CPQ: variants seen among roughly 807,000 people sequenced by gnomAD.
CPQ encodes Ser-Met dipeptidase.
In CPQ, 37 loss-of-function variants were observed where a neutral mutation model predicts 45.7. That is an observed-to-expected ratio of 0.81 (90% CI 0.62 to 1.07). The LOEUF (loss-of-function observed/expected upper bound fraction) is 1.07. CPQ is among the 50% of genes least tolerant of loss of function. The probability of loss-of-function intolerance (pLI) is 0.00; values close to 1 mark genes in which losing one functional copy is unlikely to be tolerated. For synonymous variants in CPQ, 186 were observed against 205.8 expected, an observed-to-expected ratio of 0.90 and a Z score of 0.82; for missense variants, 537 against 572.9, an observed-to-expected ratio of 0.94 and a Z score of 0.64.
intron 2 of CPQ, among the ~76,000 whole-genome samples, chr8:96,793,859 G>A (rs1586403345): frequency 6.6e-6 from 1 of 152,308 alleles, no homozygotes; most frequent in East Asian, 1.9e-4. Flanking sequence ...CCAAAATCCA[G>A]CAGGGCAGCC....
chr8:97,038,879 C>T (rs111639945), intron 6 of CPQ, among the ~76,000 whole-genome samples: 62 of 148,628 alleles, frequency 4.2e-4, no homozygotes, highest in East Asian at 1.8e-3. Context: ...AGTTTACTGA[C>T]GCCTGTTCTA....
chr8:96,690,140 G>C (rs1809287710), intron 1 of CPQ, among the ~76,000 whole-genome samples: 1 of 151,688 alleles, frequency 6.6e-6, no homozygotes, highest in Non-Finnish European at 1.5e-5. Context: ...TTATTTTTTT[G>C]TTTATATCAT....
rs544149180 is a variant in CPQ at position 97,042,271 on chromosome 8, G to A, written c.1053+12777G>A. The stretch of plus-strand genomic sequence containing the variant: ...CTTCTAGATTTTCTAGTTTATTTGC[G>A]TAAAGGTGTTTGTAGTATTCTCTGA... On this transcript the variant is annotated intron_variant, in intron 6 of 7. Coordinates refer to ENST00000220763, the MANE Select transcript of CPQ (RefSeq NM_016134.4). 6.3e-3 allele frequency among the ~76,000 whole-genome samples: 964 copies of A among 151,936 alleles called. 8 individuals carry two copies. The highest frequency in any genetic ancestry group is 0.021 in the African/African-American group (882 of 41,268).
At chr8:96,941,455 T>C (rs188632053) in intron 4 of CPQ, among the ~76,000 whole-genome samples, 34 of 152,280 alleles carry the variant, frequency 2.2e-4, no homozygotes, top group Middle Eastern at 3.4e-3. Context: ...CAGCTGCCCA[T>C]ATATTGCCCT....
intron 3 of CPQ, among the ~76,000 whole-genome samples, chr8:96,848,558 G>C (rs369311991): frequency 6.6e-6 from 1 of 152,120 alleles, no homozygotes; most frequent in South Asian, 2.1e-4. Flanking sequence ...TCTAAAACAA[G>C]AATAAAAAAG....
At chr8:97,001,721 C>CTTTCTTTTTTT (rs1809284394) in intron 5 of CPQ, among the ~76,000 whole-genome samples, 1 of 92,092 alleles carries the variant, frequency 1.1e-5, no homozygotes, top group African/African-American at 4.3e-5. Context: ...TTCTTTCTTT[C>CTTTCTTTTTTT]TTTTTTTTTT....
chr8:96,895,106 C>CT (rs1407585686), intron 4 of CPQ, among the ~76,000 whole-genome samples: 1 of 152,146 alleles, frequency 6.6e-6, no homozygotes, highest in Non-Finnish European at 1.5e-5. Flanking sequence ...GCAAAAATCA[C>CT]TTTGCATCCC....
intron 6 of CPQ, among the ~76,000 whole-genome samples, chr8:97,058,482 G>C (rs1810491804): frequency 6.6e-6 from 1 of 152,166 alleles, no homozygotes; most frequent in Admixed American, 6.6e-5. Context: ...GCATGTCACA[G>C]TGTTAAGGGA....
intron 1 of CPQ, among the ~76,000 whole-genome samples, chr8:96,757,317 C>T (rs1444309129): frequency 1.3e-5 from 2 of 150,672 alleles, no homozygotes; most frequent in Non-Finnish European, 3.0e-5. Context: ...CGCCACTGTA[C>T]TCCAGCATGG....
chr8:96,908,107 C>CGTGTGTGTGTGTGTGTGT (rs35548556), intron 4 of CPQ, among the ~76,000 whole-genome samples: 1 of 145,708 alleles, frequency 6.9e-6, no homozygotes, highest in Non-Finnish European at 1.5e-5. Context: ...CCCACTGCAA[C>CGTGTGTGTGTGTGTGTGT]GTGTGTGTGT....
chr8:97,058,088 G>A (rs1018080953), intron 6 of CPQ, among the ~76,000 whole-genome samples: 3 of 152,082 alleles, frequency 2.0e-5, no homozygotes, highest in South Asian at 4.1e-4. Flanking sequence ...GATCAAATAA[G>A]GCATATGGGG....
intron 4 of CPQ, among the ~76,000 whole-genome samples, chr8:96,964,117 G>T (rs1586469851): frequency 6.9e-6 from 1 of 144,460 alleles, no homozygotes; most frequent in African/African-American, 2.6e-5. Context: ...GAAGGGTTAG[G>T]CCTATTATGA....
At chr8:97,139,960 T>C (rs867129657) in intron 7 of CPQ, among the ~76,000 whole-genome samples, 4 of 151,828 alleles carry the variant, frequency 2.6e-5, no homozygotes, top group Middle Eastern at 3.5e-3. Flanking sequence ...AAGTCATCAT[T>C]TTTTCTTTTT....
chr8:96,942,605 C>T (rs1395235665), intron 4 of CPQ, among the ~76,000 whole-genome samples: 1 of 152,140 alleles, frequency 6.6e-6, no homozygotes, highest in Non-Finnish European at 1.5e-5. Context: ...TGGCTCAGTC[C>T]CATGACCTGG....
At chr8:96,889,725 A>G (rs1366961988) in intron 4 of CPQ, among the ~76,000 whole-genome samples, 1 of 152,136 alleles carries the variant, frequency 6.6e-6, no homozygotes, top group Non-Finnish European at 1.5e-5. Context: ...TCTGAGTCCA[A>G]GGGTCCAAAA....
intron 4 of CPQ, among the ~76,000 whole-genome samples, chr8:96,926,369 G>A (rs1812873660): frequency 6.6e-6 from 1 of 152,104 alleles, no homozygotes; most frequent in Admixed American, 6.5e-5. Flanking sequence ...GGTGGGGCTG[G>A]GAGTGAGGGA....
rs569818029 is a variant in CPQ, at chr8:96,882,671, A to G, written c.849+2666A>G. Among the ~76,000 whole-genome samples the G allele has an allele frequency of 1.2e-4, 19 of 152,288 alleles. No individual in the cohort carries two copies. The South Asian group carries it at 2.1e-3, about 17-fold the overall frequency. ...TTCTTGAGAGCCAGAGGGCTGAGAT[A>G]GTGCTGGCTCTGACAGCTTCATGAG... On this transcript the variant is annotated intron_variant, in intron 4 of 7. Transcript: ENST00000220763.
At chr8:96,907,724 TA>T (rs1235368363) in intron 4 of CPQ, among the ~76,000 whole-genome samples, 1 of 152,034 alleles carries the variant, frequency 6.6e-6, no homozygotes, top group Non-Finnish European at 1.5e-5. Flanking sequence ...ACCTGAGAGT[TA>T]TCCTGGGCAA....
chr8:96,825,458 T>C (rs1404153251), intron 2 of CPQ, among the ~76,000 whole-genome samples: 1 of 152,024 alleles, frequency 6.6e-6, no homozygotes. Flanking sequence ...TGAGCTTCGT[T>C]GTGCCTCCAT....
Sources: gnomAD v4.1 joint callset for allele counts (sites outside exome capture counted in the v4.1 genomes callset) on GRCh38, gnomAD v4.1.1 for gene constraint, MANE v1.5 for transcripts, NCBI Gene and HGNC (gene_info 2026-07-23, HGNC 2026-07-21) for gene names.